CCNB2: variants seen among roughly 807,000 people sequenced by gnomAD.
The protein encoded by CCNB2 is G2/mitotic-specific cyclin-B2.
CCNB2 carries 39 observed loss-of-function variants against 51.1 expected under a neutral mutation model. The observed-to-expected ratio is 0.76, with a 90% CI of 0.59 to 1.00. The LOEUF (loss-of-function observed/expected upper bound fraction) is 1.00. Among genes scored for constraint, CCNB2 ranks in the 50% least tolerant of loss-of-function variants. The pLI is 0.00. For missense variants in CCNB2, 472 were observed against 470.3 expected (o/e 1.00, Z -0.03); for synonymous variants, 174 against 165.5 (o/e 1.05, Z -0.40).
intron 8 of CCNB2, 60 bp downstream of exon 8, chr15:59,123,687 G>T (rs569962982): frequency 1.9e-5 from 16 of 823,186 alleles, no homozygotes; most frequent in African/African-American, 4.2e-5. Context: ...TTGTGTGTAT[G>T]TTGGGCGGGG....
intron 1 of CCNB2, 21 bp from the exon 2 acceptor site, chr15:59,107,301 A>AT: frequency 7.0e-7 from 1 of 1,420,122 alleles, no homozygotes; most frequent in Non-Finnish European, 9.5e-7. Context: ...AGGTTTCATT[A>AT]CTTTTTTTTT....
intron 3 of CCNB2, among the ~76,000 whole-genome samples, chr15:59,110,176 C>T (rs2079252465): frequency 6.6e-6 from 1 of 151,970 alleles, no homozygotes; most frequent in Admixed American, 6.6e-5. Context: ...TCCATAACTT[C>T]ATCCTTTTTG....
intron 3 of CCNB2, among the ~76,000 whole-genome samples, chr15:59,109,002 G>T (rs1355564264): frequency 2.0e-5 from 3 of 152,150 alleles, no homozygotes; most frequent in Non-Finnish European, 4.4e-5. Context: ...ATGTGTAATG[G>T]TTTGAATGTG....
In CCNB2 at chr15:59,114,803, A is replaced by G; in HGVS notation, c.524A>G (p.Gln175Arg). ...MRAILVDWLV[Q>R]VHSKFRLLQE... ...GCCATCCTAGTGGATTGGCTGGTAC[A>G]AGTCCACTCCAAGTTTAGGCTTCTG... Residue 175 changes from glutamine to arginine, a missense_variant, in exon 5 of 9, where the codon CAA (glutamine) becomes CGA (arginine). Gln to Arg is a conservative substitution (Grantham distance 43, BLOSUM62 1). Coordinates refer to ENST00000288207, the MANE Select transcript of CCNB2 (RefSeq NM_004701.4). 1.2e-6 allele frequency: 2 copies of G among 1,614,144 alleles called. No individual in the cohort carries two copies. Among genetic ancestry groups the G allele is most frequent in the Non-Finnish European group, 1.7e-6 (2 of 1,179,996 alleles).
chr15:59,109,175 C>G (rs113771924), intron 3 of CCNB2, among the ~76,000 whole-genome samples: 3 of 152,120 alleles, frequency 2.0e-5, no homozygotes, highest in African/African-American at 4.8e-5. Context: ...CTCAGCCTCC[C>G]GAGTAGCTGG....
rs1246629024 is a variant in CCNB2 at position 59,107,289 on chromosome 15, C to A, written c.25-33C>A. ...ATTAGCAAAGTATTTCAAATTCTTT[C>A]AAGGTTTCATTACTTTTTTTTTTTT... On this transcript the variant is annotated intron_variant, in intron 1 of 8. Transcript: ENST00000288207. 8 of 1,548,046 alleles carry A rather than the reference C, an allele frequency of 5.2e-6. No individual in the cohort carries two copies. The East Asian group carries it at 6.8e-5, about 13-fold the overall frequency.
rs2079241811 is a variant in CCNB2, at chr15:59,107,710, G to A, written c.267+40G>A. On this transcript the variant is annotated intron_variant, in intron 3 of 8. Transcript: ENST00000288207. ...ATTTACAAACGTATTTAATGAGGTAGCCTGTTTTTAGCCAGACTACAAGGG... is the reference window on the plus strand; with the variant it reads ...ATTTACAAACGTATTTAATGAGGTAACCTGTTTTTAGCCAGACTACAAGGG... 11 of 1,531,580 alleles carry A rather than the reference G, an allele frequency of 7.2e-6. No individual in the cohort carries two copies. In the East Asian group the frequency reaches 2.5e-4, roughly 34 times the overall value. 94.9% of individuals were successfully genotyped at this position (1,531,580 alleles called of 1,614,324 possible).
intron 5 of CCNB2, among the ~76,000 whole-genome samples, chr15:59,115,357 T>G (rs942965116): frequency 6.6e-6 from 1 of 152,180 alleles, no homozygotes; most frequent in Non-Finnish European, 1.5e-5. Flanking sequence ...AGTATTTGTT[T>G]TTTTTAAAGG....
chr15:59,115,000 A>G (rs2079273390), intron 5 of CCNB2, 124 bp downstream of exon 5: 1 of 1,065,546 alleles, frequency 9.4e-7, no homozygotes, highest in East Asian at 2.4e-5. Flanking sequence ...TGAGAAGCCA[A>G]AGAACTTTGG....
At chr15:59,113,168 C>G (rs79698388) in intron 3 of CCNB2, among the ~76,000 whole-genome samples, 161 of 152,198 alleles carry the variant, frequency 1.1e-3, no homozygotes, top group Non-Finnish European at 1.8e-3. Context: ...AAGTGAAATA[C>G]TGAGTTGTGA....
chr15:59,108,603 A>G (rs1259179623), intron 3 of CCNB2, among the ~76,000 whole-genome samples: 2 of 152,238 alleles, frequency 1.3e-5, no homozygotes, highest in East Asian at 1.9e-4. Context: ...CAGGAGTGGT[A>G]TCCTTACCCA....
intron 7 of CCNB2, among the ~76,000 whole-genome samples, chr15:59,119,179 G>A (rs2079291572): frequency 6.6e-6 from 1 of 152,122 alleles, no homozygotes; most frequent in South Asian, 2.1e-4. Flanking sequence ...TTGTAATTAA[G>A]TGGAAATAAA....
At chr15:59,122,239 A>ATTTTTTTTT (rs1330208146) in intron 7 of CCNB2, among the ~76,000 whole-genome samples, 20 of 97,426 alleles carry the variant, frequency 2.1e-4, no homozygotes, top group South Asian at 3.0e-4. Flanking sequence ...CAGTTGACAT[A>ATTTTTTTTT]TCTTTTTTTT....
At chr15:59,111,681 T>G (rs1420183752) in intron 3 of CCNB2, among the ~76,000 whole-genome samples, 3 of 152,174 alleles carry the variant, frequency 2.0e-5, no homozygotes, top group African/African-American at 7.2e-5. Context: ...TGCTGACATC[T>G]CAAATCAATT....
rs891547432 is a variant in CCNB2 at position 59,118,213 on chromosome 15, G to A, written c.975+845G>A. 3.3e-5 allele frequency among the ~76,000 whole-genome samples: 5 copies of A among 152,306 alleles called. No individual in the cohort carries two copies. In the South Asian group the frequency reaches 8.3e-4, roughly 25 times the overall value. On this transcript the variant is annotated intron_variant, in intron 7 of 8. Transcript: ENST00000288207. ...AGTAGCCAAGGATGGCAGCTCCTCG[G>A]GTCTTTGTTTCACATGGCAAAAAGG...
chr15:59,119,927 C>T (rs1017476727), intron 7 of CCNB2, among the ~76,000 whole-genome samples: 1 of 152,096 alleles, frequency 6.6e-6, no homozygotes, highest in African/African-American at 2.4e-5. Flanking sequence ...AGGCTGGTCT[C>T]GAACTCCTAG....
rs773543738 is a variant in CCNB2, at chr15:59,117,278, C to T, written c.885C>T (p.Leu295=). The change falls in exon 7 of 9, where the codon CTC becomes CTT. Residue 295 remains leucine, a synonymous_variant. Coordinates refer to ENST00000288207, the MANE Select transcript of CCNB2 (RefSeq NM_004701.4). ...TLAKYLMELT[L]IDYDMVHYHP... ...CCAAGTATTTGATGGAGCTGACTCTCATCGACTATGATATGGTGCATTATC... is the reference window on the plus strand; with the variant it reads ...CCAAGTATTTGATGGAGCTGACTCTTATCGACTATGATATGGTGCATTATC... 1 of 1,613,544 alleles carries T rather than the reference C, an allele frequency of 6.2e-7. No homozygotes were observed.
rs2079272492 is a variant in CCNB2 at position 59,114,808 on chromosome 15, C to G, written c.529C>G (p.His177Asp). The G allele has an allele frequency of 6.2e-7, 1 of 1,614,054 alleles. No homozygotes were observed. Among genetic ancestry groups the G allele is most frequent in the Admixed American group, 1.7e-5 (1 of 60,004 alleles). ...CCTAGTGGATTGGCTGGTACAAGTC[C>G]ACTCCAAGTTTAGGCTTCTGCAGGA... ...AILVDWLVQV[H>D]SKFRLLQETL... The change falls in exon 5 of 9, where the codon CAC (histidine) becomes GAC (aspartate). Residue 177 changes from histidine (H) to aspartate (D), a missense_variant. By Grantham distance (81) the His-to-Asp change is moderately conservative. Transcript: ENST00000288207.
intron 1 of CCNB2, among the ~76,000 whole-genome samples, chr15:59,106,207 C>G (rs2079235201): frequency 6.6e-6 from 1 of 152,188 alleles, no homozygotes; most frequent in Admixed American, 6.5e-5. Flanking sequence ...TTTTCAAACA[C>G]TTTTTCAGAT....
Sources: gnomAD v4.1 joint callset for allele counts (sites outside exome capture counted in the v4.1 genomes callset) on GRCh38, gnomAD v4.1.1 for gene constraint, MANE v1.5 for transcripts, NCBI Gene and HGNC (gene_info 2026-07-23, HGNC 2026-07-21) for gene names.